LRP1B: variants seen among roughly 807,000 people sequenced by gnomAD.
The protein encoded by LRP1B is low-density lipoprotein receptor-related protein 1B.
LRP1B carries 217 observed loss-of-function variants against 556.6 expected under a neutral mutation model. That is an observed-to-expected ratio of 0.39 (90% CI 0.35 to 0.44). The LOEUF (loss-of-function observed/expected upper bound fraction) is 0.44, where lower values mean the gene tolerates loss of function less well. Among genes scored for constraint, LRP1B ranks in the 20% least tolerant of loss-of-function variants. LRP1B has a pLI of 1.00. For missense variants in LRP1B, 5,053 were observed against 5,620.8 expected (o/e 0.90, Z 3.23); for synonymous variants, 2,047 against 1,865.8 (o/e 1.10, Z -2.50).
At chr2:141,975,702 A>C (rs1382362138) in intron 1 of LRP1B, among the ~76,000 whole-genome samples, 1 of 152,066 alleles carries the variant, frequency 6.6e-6, no homozygotes, top group Non-Finnish European at 1.5e-5. Flanking sequence ...CCAGGCATTA[A>C]ACTGTGGTGA....
chr2:140,574,442 T>C, intron 43 of LRP1B, among the ~76,000 whole-genome samples: 1 of 152,186 alleles, frequency 6.6e-6, no homozygotes, highest in East Asian at 1.9e-4. Flanking sequence ...TGCACAAAGT[T>C]CTATTTCTCC....
At chr2:140,598,891 A>C (rs2105190121) in intron 42 of LRP1B, 56 bp from the exon 43 acceptor site, 2 of 1,146,862 alleles carry the variant, frequency 1.7e-6, no homozygotes, top group Non-Finnish European at 2.6e-6. Flanking sequence ...GAGTAAAAAT[A>C]CTAATAGAAA....
chr2:140,558,785 A>C (rs910425860), intron 43 of LRP1B, among the ~76,000 whole-genome samples: 9 of 151,940 alleles, frequency 5.9e-5, no homozygotes, highest in African/African-American at 2.2e-4. Context: ...AAATACAAAA[A>C]AAAAGCTGGG....
chr2:140,487,256 C>T (rs1013638396), intron 58 of LRP1B, among the ~76,000 whole-genome samples: 8 of 151,824 alleles, frequency 5.3e-5, no homozygotes, highest in African/African-American at 1.7e-4. Flanking sequence ...TTAACTTTTT[C>T]GATTACAAAG....
At chr2:140,819,685 G>T (rs1029143702) in intron 31 of LRP1B, among the ~76,000 whole-genome samples, 1 of 152,120 alleles carries the variant, frequency 6.6e-6, no homozygotes, top group African/African-American at 2.4e-5. Flanking sequence ...AATGAAAATT[G>T]TTATAAACAA....
intron 7 of LRP1B, among the ~76,000 whole-genome samples, chr2:141,151,911 C>A (rs1701936071): frequency 6.6e-6 from 1 of 151,950 alleles, no homozygotes; most frequent in South Asian, 2.1e-4. Flanking sequence ...ATAACTATGG[C>A]AAGATGTCAC....
chr2:141,753,065 A>G (rs78182172), intron 2 of LRP1B, among the ~76,000 whole-genome samples: 43,607 of 148,478 alleles, frequency 0.29, 7,164 homozygotes, highest in East Asian at 0.42. Context: ...CCTAACCAAC[A>G]TGGAAAAATG....
At position 140,776,123 on chromosome 2, in the gene LRP1B, T is replaced by C; in HGVS notation, c.5475A>G (p.Lys1825=). ...CTTGCTGTGCTTCTTTATCATAGAC[T>C]TTCATATGAACTACCCCAGAAGTCT... ...RNKTSGVVHM[K]VYDKEAQQGS... is the part of the protein sequence containing the mutation. Residue 1825 remains lysine, a synonymous_variant, in exon 33 of 91, where the codon AAA becomes AAG. Coordinates refer to ENST00000389484, the MANE Select transcript of LRP1B (RefSeq NM_018557.3). The C allele has an allele frequency of 6.4e-7, 1 of 1,567,460 alleles. No homozygotes were observed. The highest frequency in any genetic ancestry group is 2.4e-5 in the East Asian group (1 of 41,134).
intron 35 of LRP1B, among the ~76,000 whole-genome samples, chr2:140,736,255 T>C (rs1162005623): frequency 1.3e-5 from 2 of 152,154 alleles, no homozygotes; most frequent in Non-Finnish European, 2.9e-5. Flanking sequence ...CTAGGGCTGA[T>C]AGTACTGTAG....
At chr2:141,357,108 T>C (rs1205459752) in intron 3 of LRP1B, among the ~76,000 whole-genome samples, 1 of 152,040 alleles carries the variant, frequency 6.6e-6, no homozygotes, top group Non-Finnish European at 1.5e-5. Context: ...TAGTCTGGAG[T>C]GCAGTGGTGC....
intron 7 of LRP1B, among the ~76,000 whole-genome samples, chr2:141,102,079 C>A (rs766539652): frequency 4.4e-4 from 67 of 152,082 alleles, no homozygotes; most frequent in Non-Finnish European, 9.7e-4. Context: ...ATCAAAGCTA[C>A]ATTTTAACGG....
chr2:141,108,272 G>A (rs540671604), intron 7 of LRP1B, among the ~76,000 whole-genome samples: 2 of 148,102 alleles, frequency 1.4e-5, no homozygotes, highest in Non-Finnish European at 3.0e-5. Flanking sequence ...ATGGTACAAG[G>A]TACAAGTTTA....
intron 66 of LRP1B, among the ~76,000 whole-genome samples, chr2:140,416,028 G>A (rs1685184449): frequency 6.6e-6 from 1 of 152,188 alleles, no homozygotes; most frequent in South Asian, 2.1e-4. Context: ...CCATGGATGA[G>A]TACTGATTGG....
intron 84 of LRP1B, among the ~76,000 whole-genome samples, chr2:140,293,628 T>C (rs2104991753): frequency 6.6e-6 from 1 of 152,314 alleles, no homozygotes; most frequent in Middle Eastern, 3.4e-3. Flanking sequence ...AGATTTTGTA[T>C]ATGCAAGATA....
chr2:140,922,933 C>T, intron 21 of LRP1B, 32 bp downstream of exon 21: 1 of 1,595,446 alleles, frequency 6.3e-7, no homozygotes, highest in South Asian at 1.1e-5. Flanking sequence ...CTCAGGGAGA[C>T]CCAATAGAAG....
intron 1 of LRP1B, among the ~76,000 whole-genome samples, chr2:141,885,551 G>A (rs1035262251): frequency 7.2e-5 from 11 of 152,178 alleles, no homozygotes; most frequent in African/African-American, 2.7e-4. Context: ...TGGCATGGTG[G>A]TGGTGCACTT....
intron 6 of LRP1B, among the ~76,000 whole-genome samples, chr2:141,210,872 C>T (rs937479138): frequency 7.9e-5 from 12 of 152,160 alleles, no homozygotes; most frequent in African/African-American, 2.9e-4. Context: ...AAGTTTCAAA[C>T]TTATTGATAA....
At chr2:140,753,495 C>T (rs1688650561) in intron 35 of LRP1B, among the ~76,000 whole-genome samples, 1 of 152,102 alleles carries the variant, frequency 6.6e-6, no homozygotes, top group Non-Finnish European at 1.5e-5. Flanking sequence ...TCAAGGAGTC[C>T]ACTTCCAGAA....
chr2:141,949,678 G>A (rs1435959489), intron 1 of LRP1B, among the ~76,000 whole-genome samples: 2 of 152,128 alleles, frequency 1.3e-5, no homozygotes, highest in Non-Finnish European at 2.9e-5. Context: ...ATAAGCCACC[G>A]TGCCTGGCCG....
Sources: gnomAD v4.1 joint callset for allele counts (sites outside exome capture counted in the v4.1 genomes callset) on GRCh38, gnomAD v4.1.1 for gene constraint, MANE v1.5 for transcripts, NCBI Gene and HGNC (gene_info 2026-07-23, HGNC 2026-07-21) for gene names.